SYT1: variants seen among roughly 807,000 people sequenced by gnomAD.
SYT1 encodes synaptotagmin 1, also known as synaptotagmin-1.
In SYT1, 8 loss-of-function variants were observed where a neutral mutation model predicts 44.8. The ratio of observed to expected loss-of-function variants is 0.18; its 90% CI spans 0.10 to 0.32. The LOEUF is 0.32. Ranked by LOEUF, SYT1 falls within the 10% of genes least tolerant of loss-of-function variation. SYT1 has a pLI of 1.00. For synonymous variants in SYT1, 154 were observed against 188.8 expected, an observed-to-expected ratio of 0.82 and a Z score of 1.51; for missense variants, 286 against 509.3, an observed-to-expected ratio of 0.56 and a Z score of 4.22.
At chr12:78,963,484 C>G (rs1008982467) in intron 1 of SYT1, among the ~76,000 whole-genome samples, 4 of 151,874 alleles carry the variant, frequency 2.6e-5, no homozygotes, top group African/African-American at 9.7e-5. Flanking sequence ...ACACTGACAA[C>G]CCAATTTAAA....
intron 9 of SYT1, among the ~76,000 whole-genome samples, chr12:79,425,992 G>C (rs1415424745): frequency 6.6e-6 from 1 of 151,830 alleles, no homozygotes; most frequent in South Asian, 2.1e-4. Flanking sequence ...ATTCAATAAA[G>C]ATTGTTAACT....
At chr12:79,189,895 C>T (rs918781980) in intron 3 of SYT1, among the ~76,000 whole-genome samples, 3 of 152,106 alleles carry the variant, frequency 2.0e-5, no homozygotes, top group Non-Finnish European at 4.4e-5. Flanking sequence ...CAGAACAAGA[C>T]TGTGTCTCAA....
intron 8 of SYT1, among the ~76,000 whole-genome samples, chr12:79,343,498 G>C (rs1162933166): frequency 2.0e-5 from 3 of 152,194 alleles, no homozygotes; most frequent in Admixed American, 6.5e-5. Flanking sequence ...GCACAGAAGA[G>C]AAAGTACATT....
chr12:79,416,962 A>AAT (rs1868778642), intron 9 of SYT1, among the ~76,000 whole-genome samples: 1 of 152,080 alleles, frequency 6.6e-6, no homozygotes, highest in South Asian at 2.1e-4. Flanking sequence ...CGAAAATCCT[A>AAT]ATATGTGTGT....
intron 9 of SYT1, among the ~76,000 whole-genome samples, chr12:79,372,033 T>C (rs1287444122): frequency 6.6e-6 from 1 of 152,200 alleles, no homozygotes; most frequent in Admixed American, 6.5e-5. Context: ...TGAGAATGAA[T>C]TGTTTAATCA....
In SYT1 at chr12:79,215,278, C is replaced by T. The variant is rs114752717; in HGVS notation, c.-17-2225C>T. On this transcript the variant is annotated intron_variant, in intron 3 of 10. Coordinates refer to ENST00000261205, the MANE Select transcript of SYT1 (RefSeq NM_005639.3). The stretch of plus-strand genomic sequence containing the variant: ...CCACTGGTAGTCTGTTCCATTGATC[C>T]ACTGATCTCTGGAACAAACTAATAT... 3.9e-3 allele frequency among the ~76,000 whole-genome samples: 590 copies of T among 152,120 alleles called. 2 individuals carry two copies. Among genetic ancestry groups the T allele is most frequent in the African/African-American group, 0.014 (565 of 41,502 alleles).
chr12:79,017,011 T>G (rs544048478), intron 2 of SYT1, among the ~76,000 whole-genome samples: 2 of 152,112 alleles, frequency 1.3e-5, no homozygotes, highest in Non-Finnish European at 2.9e-5. Context: ...TTACACAAAT[T>G]TTCTTACATC....
Position 79,285,836 on chromosome 12 carries a change from C to A in SYT1, c.216C>A (p.Val72=), listed in dbSNP as rs2138829450. Residue 72 remains valine (V), a synonymous_variant, in exon 5 of 11, where the codon GTC becomes GTA. Coordinates refer to ENST00000261205, the MANE Select transcript of SYT1 (RefSeq NM_005639.3). ...TAGCCATAGTCGCAGTCCTTTTAGT[C>A]CTGACCTGCTGCTTTTGTATCTGTA... ...IAIAIVAVLL[V]LTCCFCICKK... is the part of the protein sequence containing the mutation. The A allele has an allele frequency of 6.2e-7, 1 of 1,613,438 alleles. No individual in the cohort carries two copies. Among genetic ancestry groups the A allele is most frequent in the Non-Finnish European group, 8.5e-7 (1 of 1,179,862 alleles).
rs373264605 is a variant in SYT1, at chr12:78,929,446, A to AAAAAAAAAAAAAAAAAAAAAAAAAAAAG, written c.-216-48353_-216-48352insAAAAAAAAAAAAAAAAAAAAAAAAAAAG. Reference sequence around the variant, plus strand: ...AAAAAAAAAAAAAAAAAAAAAAAAAAGGTTATTAGCAGCAATTAGTTTTAT... The same window carrying AAAAAAAAAAAAAAAAAAAAAAAAAAAAG: ...AAAAAAAAAAAAAAAAAAAAAAAAAAAAAAAAAAAAAAAAAAAAAAAAAAAAAGGGTTATTAGCAGCAATTAGTTTTAT... On this transcript the variant is annotated intron_variant, in intron 1 of 10. Coordinates refer to ENST00000261205, the MANE Select transcript of SYT1 (RefSeq NM_005639.3). Among the ~76,000 whole-genome samples, 5 of 128,504 alleles carry AAAAAAAAAAAAAAAAAAAAAAAAAAAAG rather than the reference A, an allele frequency of 3.9e-5. 1 individual carries two copies. Among genetic ancestry groups the AAAAAAAAAAAAAAAAAAAAAAAAAAAAG allele is most frequent in the African/African-American group, 1.9e-4 (5 of 25,814 alleles). The allele number at this position is 128,504 out of a possible 152,430, so 84.3% of individuals were successfully genotyped here.
chr12:79,189,612 A>C (rs1872996705), intron 3 of SYT1, among the ~76,000 whole-genome samples: 1 of 152,090 alleles, frequency 6.6e-6, no homozygotes, highest in East Asian at 1.9e-4. Flanking sequence ...CCCATGAAAA[A>C]ATTAACCTAG....
At chr12:79,034,980 G>C (rs1411087767) in intron 2 of SYT1, among the ~76,000 whole-genome samples, 1 of 151,538 alleles carries the variant, frequency 6.6e-6, no homozygotes, top group Non-Finnish European at 1.5e-5. Context: ...GCCCAACAGT[G>C]GAAACCAAAG....
intron 1 of SYT1, among the ~76,000 whole-genome samples, chr12:78,890,464 A>T (rs1874990271): frequency 6.6e-6 from 1 of 151,936 alleles, no homozygotes; most frequent in Non-Finnish European, 1.5e-5. Context: ...GGTGCAGCAC[A>T]CCAACAAGGC....
chr12:79,010,391 C>T (rs1871338764), intron 2 of SYT1, among the ~76,000 whole-genome samples: 1 of 152,138 alleles, frequency 6.6e-6, no homozygotes, highest in South Asian at 2.1e-4. Flanking sequence ...TCATTCTGAA[C>T]AAATTCTCCT....
chr12:79,391,488 G>T (rs530599279), intron 9 of SYT1, among the ~76,000 whole-genome samples: 17 of 152,170 alleles, frequency 1.1e-4, no homozygotes, highest in African/African-American at 4.1e-4. Flanking sequence ...AAGTTCCCTA[G>T]GAATTTTAAA....
chr12:78,924,213 A>C (rs562246281), intron 1 of SYT1, among the ~76,000 whole-genome samples: 29 of 151,896 alleles, frequency 1.9e-4, no homozygotes, highest in Non-Finnish European at 3.7e-4. Context: ...CATTATGGTG[A>C]TGTTAACTTC....
chr12:79,012,321 C>T (rs1025801630), intron 2 of SYT1, among the ~76,000 whole-genome samples: 1 of 151,978 alleles, frequency 6.6e-6, no homozygotes, highest in Non-Finnish European at 1.5e-5. Flanking sequence ...GAAGTTTCAC[C>T]ACCATATTAT....
At chr12:78,920,949 T>C (rs943895516) in intron 1 of SYT1, among the ~76,000 whole-genome samples, 1 of 151,908 alleles carries the variant, frequency 6.6e-6, no homozygotes, top group Non-Finnish European at 1.5e-5. Flanking sequence ...CTTGAGTCCA[T>C]AGTTTTCATT....
At chr12:78,906,892 G>C (rs914109482) in intron 1 of SYT1, among the ~76,000 whole-genome samples, 4 of 152,032 alleles carry the variant, frequency 2.6e-5, no homozygotes, top group Non-Finnish European at 4.4e-5. Context: ...GCTATATCTT[G>C]TGCATACAAA....
intron 8 of SYT1, among the ~76,000 whole-genome samples, chr12:79,305,207 A>C (rs961188133): frequency 6.6e-6 from 1 of 152,238 alleles, no homozygotes; most frequent in Non-Finnish European, 1.5e-5. Context: ...TAGAGTTTCT[A>C]AACAAAAATC....
Sources: allele counts gnomAD v4.1 joint callset (sites outside exome capture counted in the v4.1 genomes callset), GRCh38; gene constraint gnomAD v4.1.1; transcripts MANE v1.5; gene names NCBI Gene and HGNC (gene_info 2026-07-23, HGNC 2026-07-21).